The following PHACTR3 variants were observed in gnomAD, a reference collection of about 807,000 sequenced individuals.
The protein encoded by PHACTR3 is phosphatase and actin regulator 3.
Under a neutral mutation model 66.8 loss-of-function variants are expected in PHACTR3, and 16 were observed. The observed-to-expected ratio is 0.24, with a 90% CI of 0.16 to 0.36. PHACTR3 has a LOEUF of 0.36. Ranked by LOEUF, PHACTR3 falls within the 10% of genes least tolerant of loss-of-function variation. The pLI is 1.00. For missense variants in PHACTR3, 647 were observed against 719.9 expected (o/e 0.90, Z 1.16); for synonymous variants, 323 against 292.1 (o/e 1.11, Z -1.08).
intron 3 of PHACTR3, among the ~76,000 whole-genome samples, chr20:59,753,319 A>C (rs1320509775): frequency 6.6e-6 from 1 of 152,016 alleles, no homozygotes; most frequent in Non-Finnish European, 1.5e-5. Context: ...AAATCTCCAG[A>C]CTTCTGGCAT....
At chr20:59,788,198 A>G (rs1035306058) in intron 7 of PHACTR3, among the ~76,000 whole-genome samples, 12 of 152,160 alleles carry the variant, frequency 7.9e-5, no homozygotes, top group Admixed American at 3.3e-4. Context: ...GTGAGAACAT[A>G]CGATGTTTGG....
At chr20:59,659,681 C>A (rs2035747090) in intron 1 of PHACTR3, among the ~76,000 whole-genome samples, 1 of 152,002 alleles carries the variant, frequency 6.6e-6, no homozygotes, top group Non-Finnish European at 1.5e-5. Context: ...GGGTCTGGAG[C>A]TTTTTGTAGC....
At chr20:59,841,763 G>C (rs1464252787) in intron 11 of PHACTR3, among the ~76,000 whole-genome samples, 1 of 152,110 alleles carries the variant, frequency 6.6e-6, no homozygotes, top group Non-Finnish European at 1.5e-5. Context: ...AGACATTTTT[G>C]ATTGTCACAA....
intron 1 of PHACTR3, among the ~76,000 whole-genome samples, chr20:59,644,050 C>T (rs1308167388): frequency 1.3e-5 from 2 of 152,212 alleles, no homozygotes; most frequent in South Asian, 2.1e-4. Context: ...CCCCTGCCTG[C>T]ATCCGTCGGA....
chr20:59,590,464 C>A (rs1398641588), intron 1 of PHACTR3, among the ~76,000 whole-genome samples: 1 of 152,152 alleles, frequency 6.6e-6, no homozygotes, highest in Non-Finnish European at 1.5e-5. Context: ...ATTCGTGGTG[C>A]CTGTTTCACC....
At chr20:59,687,330 G>A (rs2036941540) in intron 1 of PHACTR3, among the ~76,000 whole-genome samples, 1 of 152,196 alleles carries the variant, frequency 6.6e-6, no homozygotes, top group African/African-American at 2.4e-5. Context: ...TGTGATGGTG[G>A]TAATGAGGGT....
intron 1 of PHACTR3, among the ~76,000 whole-genome samples, chr20:59,586,925 G>A (rs1029512107): frequency 2.0e-5 from 3 of 152,330 alleles, no homozygotes; most frequent in Middle Eastern, 3.4e-3. Flanking sequence ...ATTCTTGGTC[G>A]TTCTGTGATC....
chr20:59,663,042 C>T (rs1412411773), intron 1 of PHACTR3, among the ~76,000 whole-genome samples: 1 of 152,214 alleles, frequency 6.6e-6, no homozygotes, highest in Non-Finnish European at 1.5e-5. Flanking sequence ...GGCAGGATGC[C>T]CCTGGGCCTC....
chr20:59,754,761 G>A (rs2039723313), intron 3 of PHACTR3, among the ~76,000 whole-genome samples: 1 of 152,252 alleles, frequency 6.6e-6, no homozygotes, highest in Non-Finnish European at 1.5e-5. Context: ...GAAACAGGAG[G>A]GACGAGCAGG....
intron 4 of PHACTR3, among the ~76,000 whole-genome samples, chr20:59,762,036 G>T (rs559109587): frequency 3.3e-5 from 5 of 152,186 alleles, no homozygotes; most frequent in African/African-American, 4.8e-5. Flanking sequence ...GCACACTCAC[G>T]TGAGATGCAG....
chr20:59,831,307 C>G (rs1295631933), intron 8 of PHACTR3, among the ~76,000 whole-genome samples: 1 of 152,236 alleles, frequency 6.6e-6, no homozygotes, highest in Non-Finnish European at 1.5e-5. Context: ...CCCAGCCCAG[C>G]CTGGTCCTTC....
intron 1 of PHACTR3, among the ~76,000 whole-genome samples, chr20:59,696,453 G>A (rs2146595979): frequency 6.6e-6 from 1 of 152,272 alleles, no homozygotes; most frequent in African/African-American, 2.4e-5. Flanking sequence ...TTTTCATGTG[G>A]TTGACCCATG....
At chr20:59,754,978 C>A (rs565277733) in intron 3 of PHACTR3, among the ~76,000 whole-genome samples, 1 of 152,248 alleles carries the variant, frequency 6.6e-6, no homozygotes, top group South Asian at 2.1e-4. Flanking sequence ...AGAGCAGAAA[C>A]CAGGCTAGGG....
intron 2 of PHACTR3, among the ~76,000 whole-genome samples, chr20:59,747,101 C>T (rs896623282): frequency 5.3e-5 from 8 of 152,108 alleles, no homozygotes; most frequent in Non-Finnish European, 1.0e-4. Context: ...AGGTGGTGGC[C>T]GTCGCTCAAG....
rs574639803 is a variant in PHACTR3 at position 59,758,562 on chromosome 20, A to G, written c.541+3198A>G. On this transcript the variant is annotated intron_variant, in intron 4 of 12. Transcript: ENST00000371015. ...GACATTTGTCATCATGCTGGGGATAACAAGAGGTGACACAAGTGGCTGCCT... is the reference window on the plus strand; with the variant it reads ...GACATTTGTCATCATGCTGGGGATAGCAAGAGGTGACACAAGTGGCTGCCT... 3.5e-4 allele frequency among the ~76,000 whole-genome samples: 53 copies of G among 152,328 alleles called. No individual in the cohort carries two copies. In the South Asian group the frequency reaches 0.011, roughly 32 times the overall value.
chr20:59,674,446 T>TCCCCTTCTCCTGTCC, intron 1 of PHACTR3, among the ~76,000 whole-genome samples: 1 of 105,392 alleles, frequency 9.5e-6, no homozygotes, highest in East Asian at 3.6e-4. Context: ...TCCTGTTCCT[T>TCCCCTTCTCCTGTCC]CCCCTTCTCC....
At chr20:59,635,971 G>A (rs951352725) in intron 1 of PHACTR3, among the ~76,000 whole-genome samples, 1 of 152,190 alleles carries the variant, frequency 6.6e-6, no homozygotes, top group Non-Finnish European at 1.5e-5. Context: ...TGGCCACGAG[G>A]TCCTCCTAAG....
upstream of PHACTR3, among the ~76,000 whole-genome samples, chr20:59,602,391 C>G (rs747211795): frequency 6.8e-6 from 1 of 148,042 alleles, no homozygotes; most frequent in Non-Finnish European, 1.5e-5. Flanking sequence ...TGATTGCCCC[C>G]GTGAATAGCC....
At chr20:59,588,607 C>T (rs975838694) in intron 1 of PHACTR3, among the ~76,000 whole-genome samples, 1 of 152,210 alleles carries the variant, frequency 6.6e-6, no homozygotes, top group African/African-American at 2.4e-5. Flanking sequence ...GGCCTGTCCC[C>T]ATCCTCAGCC....
Sources: gnomAD v4.1 joint callset for allele counts (sites outside exome capture counted in the v4.1 genomes callset) on GRCh38, gnomAD v4.1.1 for gene constraint, MANE v1.5 for transcripts, NCBI Gene and HGNC (gene_info 2026-07-23, HGNC 2026-07-21) for gene names.